CADPS: variants seen among roughly 807,000 people sequenced by gnomAD.
The protein encoded by CADPS is calcium-dependent secretion activator 1.
Under a neutral mutation model 167.3 loss-of-function variants are expected in CADPS, and 57 were observed. That is an observed-to-expected ratio of 0.34 (90% CI 0.28 to 0.42). The LOEUF is 0.42. CADPS is among the 20% of genes least tolerant of loss of function. The pLI is 1.00. For missense variants in CADPS, 1,414 were observed against 1,738.1 expected, an observed-to-expected ratio of 0.81 and a Z score of 3.32; for synonymous variants, 676 against 635.3, an observed-to-expected ratio of 1.06 and a Z score of -0.96.
chr3:62,849,991 C>T (rs2078223063), intron 1 of CADPS, among the ~76,000 whole-genome samples: 1 of 119,704 alleles, frequency 8.4e-6, no homozygotes, highest in Non-Finnish European at 1.8e-5. Context: ...CAACTTCTTC[C>T]TGGTTTAGTC....
At position 62,550,009 on chromosome 3, in the gene CADPS, A is replaced by G; in HGVS notation, c.1860T>C (p.Tyr620=). 1 of 1,614,050 alleles carries G rather than the reference A, an allele frequency of 6.2e-7. No homozygotes were observed. The highest frequency in any genetic ancestry group is 1.1e-5 in the South Asian group (1 of 91,072). Residue 620 remains tyrosine (Y), a synonymous_variant, in exon 11 of 30, where the codon TAT becomes TAC. Coordinates refer to ENST00000383710, the MANE Select transcript of CADPS (RefSeq NM_003716.4). Reference sequence around the variant, plus strand: ...GCTTGTGTGACTGCCCCGTGGCCCGATACATGGCCTGGACCCACAGGATGC... The same window carrying G: ...GCTTGTGTGACTGCCCCGTGGCCCGGTACATGGCCTGGACCCACAGGATGC... The part of the protein sequence containing the change: ...QDRILWVQAM[Y]RATGQSHKPV...
intron 1 of CADPS, among the ~76,000 whole-genome samples, chr3:62,775,880 A>T (rs2090155552): frequency 6.6e-6 from 1 of 152,170 alleles, no homozygotes; most frequent in South Asian, 2.1e-4. Context: ...TTCATCAAGG[A>T]AAGTATTCCG....
chr3:62,806,128 T>C (rs1039059554), intron 1 of CADPS, among the ~76,000 whole-genome samples: 1 of 152,114 alleles, frequency 6.6e-6, no homozygotes, highest in African/African-American at 2.4e-5. Flanking sequence ...CTATGACTGA[T>C]ACAGAGGAAT....
chr3:62,758,434 A>G (rs1429649573), intron 2 of CADPS, among the ~76,000 whole-genome samples: 2 of 152,228 alleles, frequency 1.3e-5, no homozygotes, highest in African/African-American at 4.8e-5. Flanking sequence ...TGGCAGCAGG[A>G]AACTATTTCT....
intron 7 of CADPS, among the ~76,000 whole-genome samples, chr3:62,592,116 C>A (rs1434984927): frequency 2.0e-5 from 3 of 152,172 alleles, no homozygotes; most frequent in Non-Finnish European, 4.4e-5. Flanking sequence ...CAGCATACAT[C>A]CACACCCCAC....
chr3:62,410,528 C>T (rs1426339819), intron 28 of CADPS, among the ~76,000 whole-genome samples: 1 of 152,212 alleles, frequency 6.6e-6, no homozygotes, highest in Non-Finnish European at 1.5e-5. Context: ...AGAGGCAGTG[C>T]AACCTGTGGC....
chr3:62,732,572 C>T (rs73092778), intron 3 of CADPS, among the ~76,000 whole-genome samples: 1 of 152,310 alleles, frequency 6.6e-6, no homozygotes, highest in Non-Finnish European at 1.5e-5. Context: ...CACTATGTTT[C>T]AAGGGAAAGT....
intron 6 of CADPS, among the ~76,000 whole-genome samples, chr3:62,593,325 T>G (rs1296626758): frequency 6.6e-6 from 1 of 152,214 alleles, no homozygotes; most frequent in Non-Finnish European, 1.5e-5. Flanking sequence ...TGCCATTCCC[T>G]GCTCATAGTT....
At chr3:62,645,701 C>T (rs1269675532) in intron 6 of CADPS, 21 bp downstream of exon 6, 2 of 1,613,144 alleles carry the variant, frequency 1.2e-6, no homozygotes, top group African/African-American at 2.7e-5. Context: ...ATAAGATGGA[C>T]CCTGGAGAAA....
chr3:62,523,439 A>C (rs1382455697), intron 13 of CADPS, among the ~76,000 whole-genome samples: 3 of 152,178 alleles, frequency 2.0e-5, no homozygotes, highest in Non-Finnish European at 4.4e-5. Context: ...TTACCTCTTT[A>C]GTGTTGTTAA....
chr3:62,627,130 T>TTG lies in CADPS; in HGVS notation c.1325+18590_1325+18591dup, dbSNP rs10547515. Reference sequence around the variant, plus strand: ...TTCCATGTTACATTTTACTTTCCAGTTGTGTGTGTGTGTGTGTGTGTGTGT... The same window carrying TTG: ...TTCCATGTTACATTTTACTTTCCAGTTGTGTGTGTGTGTGTGTGTGTGTGTGT... On this transcript the variant is annotated intron_variant, in intron 6 of 29. Transcript: ENST00000383710. Among the ~76,000 whole-genome samples the TTG allele has an allele frequency of 6.0e-3, 886 of 148,428 alleles. 5 individuals are homozygous for TTG. The highest frequency in any genetic ancestry group is 0.017 in the African/African-American group (699 of 40,460).
At chr3:62,766,962 A>G (rs1346088348) in intron 1 of CADPS, among the ~76,000 whole-genome samples, 1 of 152,126 alleles carries the variant, frequency 6.6e-6, no homozygotes, top group Non-Finnish European at 1.5e-5. Context: ...GGGCATAGCT[A>G]ACTGCCTTAT....
intron 1 of CADPS, among the ~76,000 whole-genome samples, chr3:62,782,343 C>T (rs1274416680): frequency 1.3e-5 from 2 of 152,186 alleles, no homozygotes; most frequent in Non-Finnish European, 2.9e-5. Flanking sequence ...ACCTGTTCAA[C>T]TATTTATTAA....
At chr3:62,784,838 T>C (rs1377467832) in intron 1 of CADPS, among the ~76,000 whole-genome samples, 2 of 151,994 alleles carry the variant, frequency 1.3e-5, no homozygotes, top group Non-Finnish European at 2.9e-5. Context: ...TTGCAATGTA[T>C]GCAGCTCATT....
intron 6 of CADPS, chr3:62,626,519 G>A (rs906129020): frequency 2.1e-5 from 15 of 702,552 alleles, no homozygotes; most frequent in Non-Finnish European, 3.4e-5. Flanking sequence ...GCACAAAGAC[G>A]GGACATCAAA....
intron 26 of CADPS, among the ~76,000 whole-genome samples, chr3:62,452,462 C>G (rs192516048): frequency 2.6e-5 from 4 of 152,288 alleles, no homozygotes; most frequent in Admixed American, 6.5e-5. Flanking sequence ...ACTGCCATCA[C>G]TTTAGACAGT....
At chr3:62,492,645 C>T (rs999634082) in intron 19 of CADPS, among the ~76,000 whole-genome samples, 199 bp from the exon 20 acceptor site, 3 of 152,132 alleles carry the variant, frequency 2.0e-5, no homozygotes, top group Admixed American at 2.0e-4. Flanking sequence ...TTATTCCAGG[C>T]CTGCCATAGA....
intron 3 of CADPS, among the ~76,000 whole-genome samples, chr3:62,692,478 T>G (rs1948927): frequency 0.8 from 121,319 of 151,988 alleles, 48,660 homozygotes; most frequent in East Asian, 0.98. Flanking sequence ...TTTGAAGACA[T>G]TTGGCTTAGG....
At chr3:62,818,106 T>G (rs948011066) in intron 1 of CADPS, among the ~76,000 whole-genome samples, 2 of 152,178 alleles carry the variant, frequency 1.3e-5, no homozygotes, top group African/African-American at 4.8e-5. Context: ...TGAGAATTGT[T>G]TTTTTAATGC....
Sources: gnomAD v4.1 joint callset for allele counts (sites outside exome capture counted in the v4.1 genomes callset) on GRCh38, gnomAD v4.1.1 for gene constraint, MANE v1.5 for transcripts, NCBI Gene and HGNC (gene_info 2026-07-23, HGNC 2026-07-21) for gene names.